YPEL2: variants seen among roughly 807,000 people sequenced by gnomAD.
YPEL2 encodes the protein yippee like 2.
A neutral mutation model predicts 19.1 loss-of-function variants in YPEL2; 2 were observed. The observed-to-expected ratio is 0.10, with a 90% confidence interval of 0.04 to 0.33. The LOEUF is 0.33. YPEL2 is among the 10% of genes least tolerant of loss of function. The probability of loss-of-function intolerance (pLI) is 1.00; values close to 1 mark genes in which losing one functional copy is unlikely to be tolerated. For missense variants in YPEL2, 66 were observed against 140.7 expected (o/e 0.47, Z 2.68); for synonymous variants, 52 against 50.0 (o/e 1.04, Z -0.17).
At position 59,368,741 on chromosome 17, in the gene YPEL2, C is replaced by G. The variant is rs555755655; in HGVS notation, c.117+15215C>G. On this transcript the variant is annotated intron_variant, in intron 2 of 4. Transcript: ENST00000312655. ...AGGAGTTTAGACAGAGTTCTGGATG[C>G]TGTGAGGAGCTGCTAAAAGGTTTTA... 4.6e-4 allele frequency among the ~76,000 whole-genome samples: 70 copies of G among 152,248 alleles called. 2 individuals are homozygous for G. The South Asian group carries it at 0.014, about 31-fold the overall frequency.
chr17:59,347,932 T>G (rs1024650099), intron 1 of YPEL2, among the ~76,000 whole-genome samples: 1 of 151,056 alleles, frequency 6.6e-6, no homozygotes, highest in Non-Finnish European at 1.5e-5. Context: ...TTTTTCTTTC[T>G]TTTTTTTTAA....
At chr17:59,370,284 T>C (rs1298492118) in intron 2 of YPEL2, among the ~76,000 whole-genome samples, 1 of 152,106 alleles carries the variant, frequency 6.6e-6, no homozygotes, top group Non-Finnish European at 1.5e-5. Context: ...AGGATGGTCT[T>C]GATCTCCTGA....
chr17:59,335,047 C>G (rs1344890010), intron 1 of YPEL2, among the ~76,000 whole-genome samples: 1 of 152,188 alleles, frequency 6.6e-6, no homozygotes, highest in Non-Finnish European at 1.5e-5. Flanking sequence ...CAACTGCATT[C>G]CCCTGAGCAT....
At chr17:59,334,864 A>T (rs549995086) in intron 1 of YPEL2, among the ~76,000 whole-genome samples, 18 of 152,258 alleles carry the variant, frequency 1.2e-4, no homozygotes, top group Non-Finnish European at 2.2e-4. Flanking sequence ...TTTTGAGCAT[A>T]TGGAGAAAAG....
chr17:59,380,609 T>G (rs2047944499), intron 2 of YPEL2, among the ~76,000 whole-genome samples: 1 of 152,236 alleles, frequency 6.6e-6, no homozygotes, highest in East Asian at 1.9e-4. Context: ...GAGTGAGAGC[T>G]ATTTTATTAT....
intron 2 of YPEL2, among the ~76,000 whole-genome samples, chr17:59,367,404 CA>C (rs2047875799): frequency 6.6e-6 from 1 of 152,176 alleles, no homozygotes; most frequent in East Asian, 1.9e-4. Context: ...CAAAGGTCTG[CA>C]AAACTTTTTC....
chr17:59,371,621 C>T (rs10853011), intron 2 of YPEL2, among the ~76,000 whole-genome samples: 20,802 of 152,150 alleles, frequency 0.14, 1,897 homozygotes, highest in East Asian at 0.44. Context: ...TGTTTCATTC[C>T]TTGGGCTGGG....
intron 1 of YPEL2, among the ~76,000 whole-genome samples, chr17:59,343,378 T>C (rs1164812939): frequency 6.6e-6 from 1 of 152,058 alleles, no homozygotes; most frequent in Non-Finnish European, 1.5e-5. Flanking sequence ...GTTGGGGGGA[T>C]CTGGAAGGCC....
intron 2 of YPEL2, among the ~76,000 whole-genome samples, chr17:59,378,108 G>C (rs554917733): frequency 2.6e-5 from 4 of 152,046 alleles, no homozygotes; most frequent in Non-Finnish European, 5.9e-5. Flanking sequence ...TCCAAAGCCG[G>C]CATCCTTTCC....
At chr17:59,374,608 TTTGA>T (rs1320691313) in intron 2 of YPEL2, among the ~76,000 whole-genome samples, 2 of 152,204 alleles carry the variant, frequency 1.3e-5, no homozygotes, top group African/African-American at 4.8e-5. Context: ...GGCCTGGTGC[TTTGA>T]TTAACATTAG....
intron 2 of YPEL2, among the ~76,000 whole-genome samples, chr17:59,368,258 A>AT (rs1230925248): frequency 1.3e-5 from 2 of 151,876 alleles, no homozygotes; most frequent in Non-Finnish European, 2.9e-5. Flanking sequence ...TAATTTTTCT[A>AT]TTTTTTGTAG....
chr17:59,360,267 A>G (rs1288606261), intron 2 of YPEL2, among the ~76,000 whole-genome samples: 1 of 152,096 alleles, frequency 6.6e-6, no homozygotes, highest in African/African-American at 2.4e-5. Context: ...TTTAGTAGAG[A>G]CGGGTTTCAC....
chr17:59,333,637 A>G (rs773491384), intron 1 of YPEL2, among the ~76,000 whole-genome samples: 1 of 152,190 alleles, frequency 6.6e-6, no homozygotes, highest in Non-Finnish European at 1.5e-5. Flanking sequence ...ATTTAAAAAA[A>G]TCAACTGCTG....
intron 2 of YPEL2, among the ~76,000 whole-genome samples, chr17:59,380,660 A>C (rs946218502): frequency 6.6e-6 from 1 of 152,224 alleles, no homozygotes; most frequent in Non-Finnish European, 1.5e-5. Flanking sequence ...CAGAGAGGTT[A>C]ATGAGCTTGT....
intron 4 of YPEL2, among the ~76,000 whole-genome samples, chr17:59,391,891 C>A (rs2048009322): frequency 7.2e-6 from 1 of 138,310 alleles, no homozygotes; most frequent in Non-Finnish European, 1.5e-5. Context: ...CAGAGTGAGA[C>A]TCTATCTCAA....
intron 2 of YPEL2, among the ~76,000 whole-genome samples, chr17:59,382,171 C>T (rs775713521): frequency 1.3e-5 from 2 of 152,178 alleles, no homozygotes; most frequent in African/African-American, 2.4e-5. Context: ...AGTGCCAGGC[C>T]GAGGAAACAG....
intron 1 of YPEL2, among the ~76,000 whole-genome samples, chr17:59,332,114 G>T (rs1039893821): frequency 6.6e-6 from 1 of 152,094 alleles, no homozygotes; most frequent in African/African-American, 2.4e-5. Context: ...ACGCGCGCCA[G>T]GGGCTGGGCG....
rs978711287 is a variant in YPEL2, at chr17:59,400,130, T to G, written c.*2940T>G. 2.6e-5 allele frequency: 4 copies of G among 152,704 alleles called. No individual in the cohort carries two copies. The highest frequency in any genetic ancestry group is 1.3e-4 in the Admixed American group (2 of 15,294). The allele number at this position is 152,704 out of a possible 1,614,324, so 9.5% of individuals were successfully genotyped here. On this transcript the variant is annotated 3_prime_UTR_variant, in exon 5 of 5. Transcript: ENST00000312655. The stretch of plus-strand genomic sequence containing the variant: ...TAGTCTCAGGCTGCTGATGGATTGA[T>G]TTGACATGAACCAAACACAGCCAAA...
At chr17:59,366,427 C>T (rs1171243407) in intron 2 of YPEL2, among the ~76,000 whole-genome samples, 1 of 152,190 alleles carries the variant, frequency 6.6e-6, no homozygotes, top group Non-Finnish European at 1.5e-5. Context: ...GCTGAAAAAC[C>T]AGCATTTCCA....
Sources: gnomAD v4.1 joint callset for allele counts (sites outside exome capture counted in the v4.1 genomes callset) on GRCh38, gnomAD v4.1.1 for gene constraint, MANE v1.5 for transcripts, NCBI Gene and HGNC (gene_info 2026-07-23, HGNC 2026-07-21) for gene names.